The following DACH1 variants were observed in gnomAD, a reference collection of about 807,000 sequenced individuals.
DACH1 encodes dachshund homolog 1.
DACH1 carries 12 observed loss-of-function variants against 54.2 expected under a neutral mutation model. That is an observed-to-expected ratio of 0.22 (90% CI 0.14 to 0.36). The LOEUF (loss-of-function observed/expected upper bound fraction) is 0.36, where lower values mean the gene tolerates loss of function less well. Ranked by LOEUF, DACH1 falls within the 10% of genes least tolerant of loss-of-function variation. The probability of loss-of-function intolerance (pLI) is 1.00; values close to 1 mark genes in which losing one functional copy is unlikely to be tolerated. For synonymous variants in DACH1, 386 were observed against 366.2 expected, an observed-to-expected ratio of 1.05 and a Z score of -0.62; for missense variants, 805 against 929.8, an observed-to-expected ratio of 0.87 and a Z score of 1.75.
chr13:71,532,817 TATATAA>T (rs1364307356), intron 6 of DACH1, among the ~76,000 whole-genome samples: 44 of 151,970 alleles, frequency 2.9e-4, no homozygotes, highest in African/African-American at 1.0e-3. Flanking sequence ...TATCAACTCA[TATATAA>T]ATATATTTCA....
chr13:71,707,354 C>T (rs1882500294), intron 1 of DACH1, among the ~76,000 whole-genome samples: 1 of 152,158 alleles, frequency 6.6e-6, no homozygotes, highest in East Asian at 1.9e-4. Flanking sequence ...GAATTCTTAC[C>T]ATTTTAAAAT....
intron 1 of DACH1, among the ~76,000 whole-genome samples, chr13:71,750,111 GCT>G (rs1290884523): frequency 6.6e-6 from 1 of 152,086 alleles, no homozygotes; most frequent in Non-Finnish European, 1.5e-5. Context: ...TTTCTCTCAT[GCT>G]CTTTCTCCGC....
intron 6 of DACH1, among the ~76,000 whole-genome samples, chr13:71,541,925 GTTT>G (rs397720054): frequency 0.035 from 3,666 of 105,704 alleles, 47 homozygotes; most frequent in African/African-American, 0.056. Flanking sequence ...TATTTGCCCA[GTTT>G]TTTTTTTTTT....
intron 6 of DACH1, among the ~76,000 whole-genome samples, chr13:71,527,391 G>A (rs1488814156): frequency 6.6e-6 from 1 of 151,970 alleles, no homozygotes; most frequent in Non-Finnish European, 1.5e-5. Flanking sequence ...TTCCTTCTTT[G>A]CGTTGCAACT....
rs562095824 is a variant in DACH1, at chr13:71,559,680, T to C, written c.1435+140A>G. 1.8e-5 allele frequency: 19 copies of C among 1,079,048 alleles called. No individual in the cohort carries two copies. In the African/African-American group the frequency reaches 2.4e-4, roughly 13 times the overall value. The allele number at this position is 1,079,048 out of a possible 1,614,324, so 66.8% of individuals were successfully genotyped here. Reference sequence around the variant, plus strand: ...TGATATTGCAAACTGGGAAACATAATTTTGAGAGATGGCTATTGCTACAGA... The same window carrying C: ...TGATATTGCAAACTGGGAAACATAACTTTGAGAGATGGCTATTGCTACAGA... On this transcript the variant is annotated intron_variant, in intron 5 of 10. Coordinates refer to ENST00000613252, the MANE Select transcript of DACH1 (RefSeq NM_080759.6).
intron 1 of DACH1, among the ~76,000 whole-genome samples, chr13:71,788,182 T>C (rs1886685104): frequency 6.6e-6 from 1 of 152,184 alleles, no homozygotes; most frequent in Non-Finnish European, 1.5e-5. Flanking sequence ...ATAGGCAATG[T>C]GGAAGACAGA....
chr13:71,604,022 A>C (rs907795850), intron 3 of DACH1, among the ~76,000 whole-genome samples: 1 of 151,886 alleles, frequency 6.6e-6, no homozygotes, highest in African/African-American at 2.4e-5. Context: ...CCATTATGTC[A>C]CATTGTGGGG....
At chr13:71,804,194 T>A (rs1887398396) in intron 1 of DACH1, among the ~76,000 whole-genome samples, 1 of 152,060 alleles carries the variant, frequency 6.6e-6, no homozygotes, top group Non-Finnish European at 1.5e-5. Context: ...TGGCATGCAC[T>A]TGTAGGTACT....
chr13:71,605,198 A>G (rs1051442169), intron 3 of DACH1, among the ~76,000 whole-genome samples: 1 of 151,920 alleles, frequency 6.6e-6, no homozygotes, highest in Non-Finnish European at 1.5e-5. Context: ...AAAGAATCTA[A>G]TGTTTTACAT....
chr13:71,705,505 T>A (rs938176526), intron 1 of DACH1, among the ~76,000 whole-genome samples: 8 of 152,222 alleles, frequency 5.3e-5, no homozygotes, highest in Middle Eastern at 6.8e-3. Context: ...TTAGAACTCA[T>A]CATTAAAAAA....
At chr13:71,707,624 A>T (rs1043546616) in intron 1 of DACH1, among the ~76,000 whole-genome samples, 1 of 152,206 alleles carries the variant, frequency 6.6e-6, no homozygotes, top group African/African-American at 2.4e-5. Context: ...TCTAGAGAAG[A>T]TGAAATTAAG....
At position 71,440,692 on chromosome 13, in the gene DACH1, T is replaced by C; in HGVS notation, c.2084A>G (p.Asp695Gly). The C allele has an allele frequency of 1.9e-6, 3 of 1,601,816 alleles. No individual in the cohort carries two copies. Among genetic ancestry groups the C allele is most frequent in the Non-Finnish European group, 2.6e-6 (3 of 1,173,572 alleles). The change falls in exon 11 of 11, where the codon GAT becomes GGT. Residue 695 changes from aspartate (D) to glycine (G), a missense_variant and splice_region_variant. By Grantham distance (94) the Asp-to-Gly change is moderately conservative (BLOSUM62 -1). Coordinates refer to ENST00000613252, the MANE Select transcript of DACH1 (RefSeq NM_080759.6). ...AGTAGTTTTCAAATACAGTCTTCCA[T>C]CTAGAAATGAACAGTGAAAAATTAA... ...GRTDAERTIQ[D>G]GRLYLKTTVM...
intron 1 of DACH1, among the ~76,000 whole-genome samples, chr13:71,733,562 A>G (rs1053031498): frequency 6.6e-6 from 1 of 152,126 alleles, no homozygotes; most frequent in Admixed American, 6.5e-5. Flanking sequence ...AAGAATTGTT[A>G]AAAGTATTCA....
chr13:71,570,926 TA>T (rs1311036056), intron 4 of DACH1, among the ~76,000 whole-genome samples: 1 of 152,172 alleles, frequency 6.6e-6, no homozygotes, highest in Non-Finnish European at 1.5e-5. Context: ...AACTATTTTT[TA>T]AAATATGTGT....
chr13:71,585,981 C>A (rs1031899709), intron 3 of DACH1, among the ~76,000 whole-genome samples: 1 of 152,098 alleles, frequency 6.6e-6, no homozygotes, highest in African/African-American at 2.4e-5. Flanking sequence ...CTTTCAGAGC[C>A]AGCCATGACA....
chr13:71,850,571 T>A (rs1461573098), intron 1 of DACH1, among the ~76,000 whole-genome samples: 1 of 152,214 alleles, frequency 6.6e-6, no homozygotes, highest in Non-Finnish European at 1.5e-5. Context: ...AATAAGAAAC[T>A]ACTTAATATT....
At chr13:71,630,738 A>G in intron 2 of DACH1, 21 bp from the exon 3 acceptor site, 1 of 1,539,870 alleles carries the variant, frequency 6.5e-7, no homozygotes, top group African/African-American at 1.4e-5. Flanking sequence ...TAAATTAAAA[A>G]TGAGGTAATT....
chr13:71,814,494 T>C (rs1887835498), intron 1 of DACH1, among the ~76,000 whole-genome samples: 1 of 152,228 alleles, frequency 6.6e-6, no homozygotes, highest in African/African-American at 2.4e-5. Flanking sequence ...TTAATAACAG[T>C]GGTAAAAACC....
Position 71,748,844 on chromosome 13 carries a change from C to CTCTTTCTTTCTTTCTT in DACH1, c.849-66950_849-66935dup, listed in dbSNP as rs201889116. Among the ~76,000 whole-genome samples the CTCTTTCTTTCTTTCTT allele has an allele frequency of 1.1e-4, 15 of 131,234 alleles. 1 individual carries two copies. Among genetic ancestry groups the CTCTTTCTTTCTTTCTT allele is most frequent in the African/African-American group, 4.0e-4 (13 of 32,484 alleles). 86.1% of individuals were successfully genotyped at this position (131,234 alleles called of 152,430 possible). A position where few individuals can be genotyped will look rare whatever the true frequency, so the allele number is the denominator to read the frequency against. On this transcript the variant is annotated intron_variant, in intron 1 of 10. Coordinates refer to ENST00000613252, the MANE Select transcript of DACH1 (RefSeq NM_080759.6). Reference sequence around the variant, plus strand: ...ACCTGAAATATAAAAAATATTTTTTCTCTTTCTTTCTTTCTTTCTTTCTTT... The same window carrying CTCTTTCTTTCTTTCTT: ...ACCTGAAATATAAAAAATATTTTTTCTCTTTCTTTCTTTCTTTCTTTCTTTCTTTCTTTCTTTCTTT...
Sources: gnomAD v4.1 joint callset for allele counts (sites outside exome capture counted in the v4.1 genomes callset) on GRCh38, gnomAD v4.1.1 for gene constraint, MANE v1.5 for transcripts, NCBI Gene and HGNC (gene_info 2026-07-23, HGNC 2026-07-21) for gene names.